The following MYO15B variants were observed in gnomAD, a reference collection of about 807,000 sequenced individuals.
MYO15B encodes the protein myosin XVB, also known as myosin XVB pseudogene.
MYO15B carries 207 observed loss-of-function variants against 119.3 expected under a neutral mutation model. The ratio of observed to expected loss-of-function variants is 1.73; its 90% CI spans 1.55 to 1.95. MYO15B has a LOEUF of 1.95. MYO15B is among the 30% of genes most tolerant of loss of function. MYO15B has a pLI of 0.00. For missense variants in MYO15B, 2,264 were observed against 1,203.1 expected (o/e 1.88, Z -13.04); for synonymous variants, 966 against 498.9 (o/e 1.94, Z -12.48).
exon 1 of MYO15B, chr17:75,588,862 C>T (rs1871971691): frequency 5.0e-6 from 2 of 398,502 alleles, no homozygotes; most frequent in Non-Finnish European, 8.9e-6. Flanking sequence ...CTCGCGGGCT[C>T]CTCGGGACAC....
At position 75,609,465 on chromosome 17, in the gene MYO15B, G is replaced by A. The variant is rs191219277; in HGVS notation, c.4293-701G>A. Among the ~76,000 whole-genome samples the A allele has an allele frequency of 2.7e-4, 39 of 146,556 alleles. 1 individual carries two copies. In the East Asian group the frequency reaches 6.8e-3, roughly 26 times the overall value. ...GCTGGGATTACAGGCATGAGCTACCGTACCAAGCTAAGGGAAATGATTTTT... is the reference window on the plus strand; with the variant it reads ...GCTGGGATTACAGGCATGAGCTACCATACCAAGCTAAGGGAAATGATTTTT... On this transcript the variant is annotated intron_variant, in intron 21 of 63. Coordinates refer to ENST00000645453, the Ensembl canonical transcript of MYO15B.
chr17:75,620,423 G>A (rs1237651226), intron 48 of MYO15B, 44 bp from the exon 49 acceptor site: 1 of 702,538 alleles, frequency 1.4e-6, no homozygotes, highest in African/African-American at 1.7e-5. Context: ...CTGCCCGGGG[G>A]CAGAGGGTCC....
intron 5 of MYO15B, 113 bp from the exon 6 acceptor site, chr17:75,591,864 G>A (rs1455770000): frequency 1.2e-5 from 8 of 666,714 alleles, no homozygotes; most frequent in Non-Finnish European, 2.2e-5. Context: ...GTCAGCTGCA[G>A]GCACTGCCCT....
exon 16 of MYO15B, chr17:75,602,518 T>A (rs2057349876): frequency 1.4e-6 from 1 of 702,384 alleles, no homozygotes; most frequent in Non-Finnish European, 2.6e-6. Flanking sequence ...CTCTTGCAGG[T>A]TCACAAGTTT....
intron 14 of MYO15B, among the ~76,000 whole-genome samples, chr17:75,599,825 G>A (rs1335992455): frequency 6.6e-6 from 1 of 150,470 alleles, no homozygotes; most frequent in African/African-American, 2.4e-5. Context: ...AACCCGGGAG[G>A]TGGAGGTTGC....
intron 35 of MYO15B, 30 bp downstream of exon 35, chr17:75,615,630 T>C (rs1410838088): frequency 1.5e-6 from 1 of 677,046 alleles, no homozygotes; most frequent in South Asian, 1.6e-5. Context: ...TGGGGCCACC[T>C]GGTGGAGGAG....
chr17:75,619,414 C>T (rs750529010), exon 45 of MYO15B: 14 of 702,616 alleles, frequency 2.0e-5, no homozygotes, highest in Non-Finnish European at 3.1e-5. Context: ...CGTCAAGAAG[C>T]GCATCGTGGT....
chr17:75,616,327 CAGTG>C lies in MYO15B; in HGVS notation c.6128_6131del (p.Val2043GlyfsTer3), dbSNP rs2058368379. 1 of 608,368 alleles carries C rather than the reference CAGTG, an allele frequency of 1.6e-6. No homozygotes were observed. Among genetic ancestry groups the C allele is most frequent in the Admixed American group, 2.9e-5 (1 of 34,082 alleles). 37.7% of individuals were successfully genotyped at this position (608,368 alleles called of 1,614,324 possible). Reference sequence around the variant, plus strand: ...ACACTTGCAGGGCAGCCACAGATCACAGTGAGGACGATGAAGCCCCCGGCCAAGG... The same window carrying C: ...ACACTTGCAGGGCAGCCACAGATCACAGGACGATGAAGCCCCCGGCCAAGG... On this transcript the variant is annotated frameshift_variant, in exon 38 of 64. Transcript: ENST00000645453. LOFTEE classifies it high-confidence loss of function.
At chr17:75,621,764 C>T (rs1019160568) in intron 52 of MYO15B, 194 bp downstream of exon 52, 2 of 601,468 alleles carry the variant, frequency 3.3e-6, no homozygotes, top group African/African-American at 3.7e-5. Flanking sequence ...TGTGTGGAGT[C>T]TGGGGTTGGA....
exon 40 of MYO15B, chr17:75,616,932 G>T: frequency 1.4e-6 from 1 of 702,948 alleles, no homozygotes; most frequent in African/African-American, 1.7e-5. Flanking sequence ...GGCCAAGCTG[G>T]GTATCAACGG....
chr17:75,614,020 T>C (rs1244968947), intron 29 of MYO15B, 179 bp from the exon 30 acceptor site: 8 of 600,034 alleles, frequency 1.3e-5, no homozygotes, highest in Admixed American at 5.8e-5. Context: ...CTTGTGGAAG[T>C]GGAGGGCCGT....
exon 26 of MYO15B, chr17:75,612,865 C>T (rs1207310501): frequency 5.7e-6 from 4 of 702,680 alleles, no homozygotes; most frequent in East Asian, 2.7e-5. Flanking sequence ...GGAGACAACC[C>T]TCAGCGTGCC....
intron 14 of MYO15B, among the ~76,000 whole-genome samples, chr17:75,599,279 A>ATT (rs60489681): frequency 0.081 from 11,454 of 140,736 alleles, 1,095 homozygotes; most frequent in African/African-American, 0.23. Flanking sequence ...TTTGAAAGTG[A>ATT]TTTTTTTTTT....
At chr17:75,617,823 C>T (rs763596494) in exon 42 of MYO15B, 7 of 702,454 alleles carry the variant, frequency 1.0e-5, no homozygotes, top group South Asian at 4.4e-5. Flanking sequence ...TGACACAGCC[C>T]GTGGAGGACC....
At chr17:75,624,805 C>T (rs1255722986) in exon 59 of MYO15B, 3 of 702,872 alleles carry the variant, frequency 4.3e-6, no homozygotes, top group Non-Finnish European at 7.8e-6. Flanking sequence ...CCGCCGAATA[C>T]CTCAACAGCG....
chr17:75,606,243 G>A (rs2057641935), intron 21 of MYO15B, among the ~76,000 whole-genome samples: 1 of 152,050 alleles, frequency 6.6e-6, no homozygotes, highest in African/African-American at 2.4e-5. Context: ...ACCTACTGAG[G>A]CCACCTGAAC....
intron 45 of MYO15B, 64 bp from the exon 46 acceptor site, chr17:75,619,617 T>A: frequency 1.4e-6 from 1 of 697,000 alleles, no homozygotes; most frequent in Non-Finnish European, 2.6e-6. Context: ...CCTGGGCAGC[T>A]CCAGGGCATC....
At position 75,620,033 on chromosome 17, in the gene MYO15B, C is replaced by A; in HGVS notation, c.7443+13C>A. 1 of 695,914 alleles carries A rather than the reference C, an allele frequency of 1.4e-6. No homozygotes were observed. The allele number at this position is 695,914 out of a possible 1,614,324, so 43.1% of individuals were successfully genotyped here. A position where few individuals can be genotyped will look rare whatever the true frequency, so the allele number is the denominator to read the frequency against. On this transcript the variant is annotated intron_variant, in intron 47 of 63. Transcript: ENST00000645453. ...TGAGCTTAAGAAGGTAAGTGTGGGG[C>A]ACGGGTTGAGAGGCCGGGCAGACAG...
At chr17:75,600,486 C>G (rs981008521) in intron 14 of MYO15B, 1 of 151,346 alleles carries the variant, frequency 6.6e-6, no homozygotes, top group African/African-American at 2.4e-5. Context: ...CTCACTCTCT[C>G]ACGCAGGCTG....
Sources: gnomAD v4.1 joint callset for allele counts (sites outside exome capture counted in the v4.1 genomes callset) on GRCh38, gnomAD v4.1.1 for gene constraint, MANE v1.5 for transcripts, NCBI Gene and HGNC (gene_info 2026-07-23, HGNC 2026-07-21) for gene names.